GNG5: variants seen among roughly 807,000 people sequenced by gnomAD.
GNG5 encodes the protein G protein subunit gamma 5.
A neutral mutation model predicts 6.2 loss-of-function variants in GNG5; 2 were observed. The observed-to-expected ratio is 0.32, with a 90% CI of 0.13 to 1.01. The LOEUF is 1.01. GNG5 is among the 50% of genes least tolerant of loss of function. The pLI, the probability that GNG5 is intolerant of heterozygous loss-of-function variation, is 0.48. For synonymous variants in GNG5, 24 were observed against 33.0 expected (o/e 0.73, Z 0.93); for missense variants, 57 against 80.2 (o/e 0.71, Z 1.10).
At position 84,503,206 on chromosome 1, in the gene GNG5, T is replaced by C. The variant is rs539647807; in HGVS notation, c.82-1236A>G. On this transcript the variant is annotated intron_variant, in intron 2 of 3. Transcript: ENST00000370645. ...TAATATCTGAAGTCTTGAACTGAGA[T>C]TTAAAAAGTGGGAGAAATACTCATT... is the stretch of plus-strand genomic sequence containing the variant. 2.6e-5 allele frequency among the ~76,000 whole-genome samples: 4 copies of C among 152,348 alleles called. No homozygotes were observed. The South Asian group carries it at 8.3e-4, about 32-fold the overall frequency.
In GNG5 at chr1:84,506,001, C is replaced by A; in HGVS notation, c.81+10G>T. 6.6e-7 allele frequency: 1 copy of A among 1,514,556 alleles called. No homozygotes were observed. Among genetic ancestry groups the A allele is most frequent in the South Asian group, 1.3e-5 (1 of 79,692 alleles). 93.8% of individuals were successfully genotyped at this position (1,514,556 alleles called of 1,614,324 possible). A position where few individuals can be genotyped will look rare whatever the true frequency, so the allele number is the denominator to read the frequency against. Reference sequence around the variant, plus strand: ...CCTTCCTCCCGCCTCGGCCGCCCGCCCCCGCTCACTTTTACGCGGTTGAGT... The same window carrying A: ...CCTTCCTCCCGCCTCGGCCGCCCGCACCCGCTCACTTTTACGCGGTTGAGT... On this transcript the variant is annotated intron_variant, in intron 2 of 3. Coordinates refer to ENST00000370645, the MANE Select transcript of GNG5 (RefSeq NM_005274.3).
At position 84,506,173 on chromosome 1, in the gene GNG5, G is replaced by A; in HGVS notation, c.-82C>T. 8.9e-7 allele frequency: 1 copy of A among 1,125,768 alleles called. No homozygotes were observed. Among genetic ancestry groups the A allele is most frequent in the Non-Finnish European group, 1.2e-6 (1 of 808,148 alleles). The allele number at this position is 1,125,768 out of a possible 1,614,324, so 69.7% of individuals were successfully genotyped here. ...GCGGGGCCAGACAACTCAGCGGCGC[G>A]CGGCGGGGGCGGGGCTCCGAACTTT... is the stretch of plus-strand genomic sequence containing the variant. On this transcript the variant is annotated 5_prime_UTR_variant, in exon 2 of 4. Transcript: ENST00000370645.
At chr1:84,499,737 C>G (rs1198496277) in intron 3 of GNG5, among the ~76,000 whole-genome samples, 1 of 151,924 alleles carries the variant, frequency 6.6e-6, no homozygotes, top group Non-Finnish European at 1.5e-5. Flanking sequence ...GTTTTTAATC[C>G]TGTGTTATTC....
intron 2 of GNG5, 54 bp downstream of exon 2, chr1:84,505,957 A>T: frequency 8.9e-7 from 1 of 1,123,874 alleles, no homozygotes; most frequent in Non-Finnish European, 1.2e-6. Context: ...GGGCCGCCGG[A>T]TCCCACCCGC....
chr1:84,500,718 A>C (rs1682041308), intron 3 of GNG5, among the ~76,000 whole-genome samples: 1 of 152,138 alleles, frequency 6.6e-6, no homozygotes, highest in Admixed American at 6.5e-5. Context: ...ATTTCAAAAA[A>C]CTTAAACATC....
chr1:84,500,237 T>G (rs1682028394), intron 3 of GNG5, among the ~76,000 whole-genome samples: 1 of 152,224 alleles, frequency 6.6e-6, no homozygotes, highest in Non-Finnish European at 1.5e-5. Flanking sequence ...CAAAGTGATT[T>G]GCATATATTC....
At position 84,506,210 on chromosome 1, in the gene GNG5, T is replaced by A. The variant is rs1437805162; in HGVS notation, c.-119A>T. ...GGGCTCCGAACTTTGTCTCTAAGTT[T>A]CCGGTTCTGTGCTCAGCGGCTCCAC... On this transcript the variant is annotated 5_prime_UTR_variant, in exon 2 of 4. Transcript: ENST00000370645. 1.4e-6 allele frequency: 1 copy of A among 732,968 alleles called. No individual in the cohort carries two copies. The highest frequency in any genetic ancestry group is 2.1e-6 in the Non-Finnish European group (1 of 484,890). 45.4% of individuals were successfully genotyped at this position (732,968 alleles called of 1,614,324 possible). A position where few individuals can be genotyped will look rare whatever the true frequency, so the allele number is the denominator to read the frequency against.
At position 84,501,904 on chromosome 1, in the gene GNG5, T is replaced by G. The variant is rs1254641296; in HGVS notation, c.148A>C (p.Thr50Pro). ...GGATTTGTACTTGAAGATACTCCAG[T>G]CAGCAGAGGGTCATGTTGAGCATTC... is the stretch of plus-strand genomic sequence containing the variant. ...LQNAQHDPLL[T>P]GVSSSTNPFR... Residue 50 changes from threonine (T) to proline (P), a missense_variant, in exon 3 of 4, where the codon ACT becomes CCT. By Grantham distance (38) the Thr-to-Pro change is conservative. Coordinates refer to ENST00000370645, the MANE Select transcript of GNG5 (RefSeq NM_005274.3). 1 of 1,605,074 alleles carries G rather than the reference T, an allele frequency of 6.2e-7. No homozygotes were observed. The highest frequency in any genetic ancestry group is 8.5e-7 in the Non-Finnish European group (1 of 1,171,902).
At chr1:84,505,360 A>G (rs1168551585) in intron 2 of GNG5, among the ~76,000 whole-genome samples, 2 of 152,220 alleles carry the variant, frequency 1.3e-5, no homozygotes, top group Non-Finnish European at 2.9e-5. Flanking sequence ...GTCAAATATG[A>G]GCAAACTGTG....
intron 2 of GNG5, 87 bp from the exon 3 acceptor site, chr1:84,502,057 C>G: frequency 1.2e-6 from 1 of 815,466 alleles, no homozygotes; most frequent in South Asian, 1.6e-5. Context: ...ATTGTACTTA[C>G]AATAAAACAG....
intron 2 of GNG5, among the ~76,000 whole-genome samples, chr1:84,502,351 C>T (rs1461154522): frequency 6.7e-6 from 1 of 148,528 alleles, no homozygotes; most frequent in East Asian, 1.9e-4. Context: ...CCAGGATGGT[C>T]TCTCTCTCTT....
At chr1:84,500,258 A>G (rs1257869708) in intron 3 of GNG5, among the ~76,000 whole-genome samples, 2 of 152,216 alleles carry the variant, frequency 1.3e-5, no homozygotes, top group Non-Finnish European at 2.9e-5. Flanking sequence ...AAGCTTGAGA[A>G]GCAATGCTTT....
At position 84,501,454 on chromosome 1, in the gene GNG5, T is replaced by A. The variant is rs181147507; in HGVS notation, c.*19+372A>T. Among the ~76,000 whole-genome samples, 831 of 151,826 alleles carry A rather than the reference T, an allele frequency of 5.5e-3. 14 individuals carry two copies. The highest frequency in any genetic ancestry group is 0.019 in the African/African-American group (786 of 41,122). ...ATCCCCATAAACATTGCAGATTTTT[T>A]AAAAACTGTCTAAATATTTGCCAGG... On this transcript the variant is annotated intron_variant, in intron 3 of 3. Coordinates refer to ENST00000370645, the MANE Select transcript of GNG5 (RefSeq NM_005274.3).
intron 2 of GNG5, among the ~76,000 whole-genome samples, chr1:84,505,313 A>G (rs1199796328): frequency 3.3e-5 from 5 of 152,142 alleles, no homozygotes; most frequent in African/African-American, 1.2e-4. Flanking sequence ...CACAATAATC[A>G]TTTTCTCCGG....
chr1:84,503,983 A>G (rs1184973829), intron 2 of GNG5: 1 of 152,230 alleles, frequency 6.6e-6, no homozygotes, highest in Non-Finnish European at 1.5e-5. Flanking sequence ...AAGACTCTAA[A>G]ACTGGAACAA....
chr1:84,503,579 T>G (rs1046925698), intron 2 of GNG5: 2 of 152,212 alleles, frequency 1.3e-5, no homozygotes, highest in Admixed American at 1.3e-4. Context: ...GTGTCATTTT[T>G]CACCAAATAT....
intron 2 of GNG5, among the ~76,000 whole-genome samples, chr1:84,502,642 T>G (rs902539938): frequency 6.6e-6 from 1 of 152,142 alleles, no homozygotes; most frequent in Non-Finnish European, 1.5e-5. Flanking sequence ...TTAAAAACAT[T>G]AAGGGTTAAA....
chr1:84,501,753 A>C, intron 3 of GNG5, 73 bp downstream of exon 3: 1 of 906,928 alleles, frequency 1.1e-6, no homozygotes, highest in Non-Finnish European at 1.8e-6. Flanking sequence ...ATGATCTTTT[A>C]AGTGCTGCAA....
rs1477160752 is a variant in GNG5, at chr1:84,504,290, A to G, written c.81+1721T>C. Among the ~76,000 whole-genome samples the G allele has an allele frequency of 2.0e-5, 3 of 152,202 alleles. No homozygotes were observed. In the East Asian group the frequency reaches 5.8e-4, roughly 29 times the overall value. ...AAGAAAAGCTCATTAAAAAGTACAAAAGGGGATGCTCCCCTTCTTGCTACA... is the reference window on the plus strand; with the variant it reads ...AAGAAAAGCTCATTAAAAAGTACAAGAGGGGATGCTCCCCTTCTTGCTACA... On this transcript the variant is annotated intron_variant, in intron 2 of 3. Coordinates refer to ENST00000370645, the MANE Select transcript of GNG5 (RefSeq NM_005274.3).
Sources: allele counts gnomAD v4.1 joint callset (sites outside exome capture counted in the v4.1 genomes callset), GRCh38; gene constraint gnomAD v4.1.1; transcripts MANE v1.5; gene names NCBI Gene and HGNC (gene_info 2026-07-23, HGNC 2026-07-21).